The following SGSH variants were observed in gnomAD, a reference collection of about 807,000 sequenced individuals.
The protein encoded by SGSH is heparan sulfate sulfatase.
A neutral mutation model predicts 51.0 loss-of-function variants in SGSH; 48 were observed. The ratio of observed to expected loss-of-function variants is 0.94; its 90% CI spans 0.75 to 1.20. The LOEUF (loss-of-function observed/expected upper bound fraction) is 1.20, where lower values mean the gene tolerates loss of function less well. Among genes scored for constraint, SGSH ranks in the 50% most tolerant of loss-of-function variants. SGSH has a pLI of 0.00. For synonymous variants in SGSH, 321 were observed against 313.4 expected (o/e 1.02, Z -0.26); for missense variants, 662 against 717.8 (o/e 0.92, Z 0.89).
chr17:80,214,984 T>A (rs769520648), intron 3 of SGSH, 49 bp downstream of exon 3: 3 of 1,520,926 alleles, frequency 2.0e-6, no homozygotes, highest in Admixed American at 3.4e-5. Context: ...GGCTCTGGCC[T>A]GGCCTCTGTG....
rs1467891010 is a variant in SGSH at position 80,209,745 on chromosome 17, A to G, written c.*707T>C. 1.0e-6 allele frequency: 1 copy of G among 985,518 alleles called. No individual in the cohort carries two copies. Among genetic ancestry groups the G allele is most frequent in the East Asian group, 1.1e-4 (1 of 8,820 alleles). 61.0% of individuals were successfully genotyped at this position (985,518 alleles called of 1,614,324 possible). A position where few individuals can be genotyped will look rare whatever the true frequency, so the allele number is the denominator to read the frequency against. On this transcript the variant is annotated 3_prime_UTR_variant, in exon 8 of 8. Transcript: ENST00000326317. ...AGAGGACGGGCATCGCCATGCCTTCATCTTCGGACACTCTCAAAAAAGATA... is the reference window on the plus strand; with the variant it reads ...AGAGGACGGGCATCGCCATGCCTTCGTCTTCGGACACTCTCAAAAAAGATA...
In SGSH at chr17:80,209,981, C is replaced by T. The variant is rs138717045; in HGVS notation, c.*471G>A. 2.2e-4 allele frequency: 225 copies of T among 1,023,694 alleles called. No individual in the cohort carries two copies. Among genetic ancestry groups the T allele is most frequent in the Non-Finnish European group, 2.5e-4 (213 of 851,790 alleles). 63.4% of individuals were successfully genotyped at this position (1,023,694 alleles called of 1,614,324 possible). On this transcript the variant is annotated 3_prime_UTR_variant, in exon 8 of 8. Transcript: ENST00000326317. ...CCCAGGTGAGTGTCGGTGGGACCTGCGTACTGCCCACGCGGCACCGAAGCC... is the reference window on the plus strand; with the variant it reads ...CCCAGGTGAGTGTCGGTGGGACCTGTGTACTGCCCACGCGGCACCGAAGCC...
chr17:80,217,048 A>G lies in SGSH; in HGVS notation c.233T>C (p.Leu78Pro). 6.3e-7 allele frequency: 1 copy of G among 1,585,072 alleles called. No homozygotes were observed. Among genetic ancestry groups the G allele is most frequent in the Non-Finnish European group, 8.6e-7 (1 of 1,167,910 alleles). ...SSCSPSRASL[L>P]TGLPQHQNGM... Reference sequence around the variant, plus strand: ...GCACCTCACCTGGGGCAGGCCAGTGAGGAGGCTGGCGCGGCTGGGAGAGCA... The same window carrying G: ...GCACCTCACCTGGGGCAGGCCAGTGGGGAGGCTGGCGCGGCTGGGAGAGCA... Residue 78 changes from leucine (L) to proline (P), a missense_variant, in exon 2 of 8, where the codon CTC (leucine) becomes CCC (proline). By Grantham distance (98) the Leu-to-Pro change is moderately conservative. Coordinates refer to ENST00000326317, the MANE Select transcript of SGSH (RefSeq NM_000199.5).
At chr17:80,214,357 C>A in intron 4 of SGSH, 29 bp from the exon 5 acceptor site, 1 of 1,604,866 alleles carries the variant, frequency 6.2e-7, no homozygotes, top group East Asian at 2.2e-5. Flanking sequence ...ATTGCCAAGG[C>A]TGCGGGGCCA....
chr17:80,204,883 G>A (rs775733142), downstream of SGSH: 11 of 645,542 alleles, frequency 1.7e-5, no homozygotes, highest in Non-Finnish European at 2.8e-5. Context: ...GGAACTGGGA[G>A]TGAGTCCTGT....
At chr17:80,211,570 G>A (rs1567917191) in intron 7 of SGSH, 1 of 278,322 alleles carries the variant, frequency 3.6e-6, no homozygotes, top group Admixed American at 5.0e-5. Flanking sequence ...GATGTCCTAG[G>A]TCTTTTTAGG....
the SGSH span, chr17:80,201,705 C>T: frequency 1.2e-6 from 2 of 1,612,686 alleles, no homozygotes; most frequent in Non-Finnish European, 1.7e-6. The surrounding 1 kb of genome is among the most constrained non-coding windows in gnomAD (Gnocchi z 5.0). Context: ...GATTCAGAGT[C>T]CCGGGGGAAA....
Position 80,217,166 on chromosome 17 carries a change from C to T in SGSH, c.115G>A (p.Ala39Thr), listed in dbSNP as rs773137508. 1.1e-5 allele frequency: 18 copies of T among 1,601,672 alleles called. No individual in the cohort carries two copies. Among genetic ancestry groups the T allele is most frequent in the East Asian group, 6.7e-5 (3 of 44,534 alleles). ...LADDGGFESG[A>T]YNNSAIATPH... is the part of the protein sequence containing the mutation. ...GTGGCGATGGCGCTGTTGTTGTACG[C>T]GCCACTCTCAAAGCCTCCGTCATCC... The change falls in exon 2 of 8, where the codon GCG (alanine) becomes ACG (threonine). Residue 39 changes from alanine to threonine, a missense_variant. Physicochemically the swap from Ala to Thr is moderately conservative, Grantham distance 58 (BLOSUM62 0). Transcript: ENST00000326317.
downstream of SGSH, chr17:80,204,947 C>A: frequency 1.7e-6 from 2 of 1,182,790 alleles, no homozygotes; most frequent in East Asian, 2.6e-5. Context: ...CTGCAGTGAG[C>A]AAAGCAGACC....
At chr17:80,219,414 G>A (rs1356404931) in intron 1 of SGSH, among the ~76,000 whole-genome samples, 1 of 152,200 alleles carries the variant, frequency 6.6e-6, no homozygotes, top group Non-Finnish European at 1.5e-5. Context: ...CTAGCCCAGG[G>A]GCCGCATAGC....
downstream of SGSH, chr17:80,204,075 C>T (rs1470145282): frequency 1.2e-6 from 1 of 855,384 alleles, no homozygotes; most frequent in East Asian, 2.7e-5. Context: ...CAGGCTCTTG[C>T]ACAAGTGCAG....
intron 1 of SGSH, 155 bp downstream of exon 1, chr17:80,220,071 G>A (rs1334066701): frequency 7.1e-6 from 4 of 562,328 alleles, no homozygotes; most frequent in Non-Finnish European, 1.2e-5. Context: ...GAAGAGTCTG[G>A]GGGCGGCACA....
downstream of SGSH, chr17:80,206,846 G>A: frequency 3.9e-6 from 2 of 512,890 alleles, no homozygotes; most frequent in Non-Finnish European, 7.0e-6. Flanking sequence ...ACAAAATTCA[G>A]CTCTGCCCAG....
At chr17:80,214,522 G>A in intron 4 of SGSH, 93 bp downstream of exon 4, 1 of 1,408,012 alleles carries the variant, frequency 7.1e-7, no homozygotes, top group Non-Finnish European at 9.8e-7. Context: ...CCCCATTCGA[G>A]CCACGTGGGG....
intron 2 of SGSH, among the ~76,000 whole-genome samples, chr17:80,216,222 G>A (rs758608370): frequency 6.6e-6 from 1 of 152,028 alleles, no homozygotes; most frequent in Non-Finnish European, 1.5e-5. Flanking sequence ...CCAGCTACTC[G>A]GGAGGCTGAG....
At position 80,220,144 on chromosome 17, in the gene SGSH, T is replaced by C. The variant is rs983574912; in HGVS notation, c.88+82A>G. On this transcript the variant is annotated intron_variant, in intron 1 of 7. Coordinates refer to ENST00000326317, the MANE Select transcript of SGSH (RefSeq NM_000199.5). ...AGGGCAGGGCACACTAGGGTCAGCA[T>C]TGACCACGGGTGGGGAGGAGGCCAG... is the stretch of plus-strand genomic sequence containing the variant. 12 of 1,036,872 alleles carry C rather than the reference T, an allele frequency of 1.2e-5. 1 individual carries two copies. The highest frequency in any genetic ancestry group is 8.2e-6 in the Non-Finnish European group (6 of 728,036). 64.2% of individuals were successfully genotyped at this position (1,036,872 alleles called of 1,614,324 possible).
chr17:80,210,280 TC>T lies in SGSH; in HGVS notation c.*171del. The T allele has an allele frequency of 7.0e-7, 1 of 1,432,238 alleles. No individual in the cohort carries two copies. Among genetic ancestry groups the T allele is most frequent in the Non-Finnish European group, 9.1e-7 (1 of 1,097,596 alleles). The allele number at this position is 1,432,238 out of a possible 1,614,324, so 88.7% of individuals were successfully genotyped here. On this transcript the variant is annotated 3_prime_UTR_variant, in exon 8 of 8. Coordinates refer to ENST00000326317, the MANE Select transcript of SGSH (RefSeq NM_000199.5). ...CACATGCTCTGGTCACATGCTCTGG[TC>T]CCCCTCCAGGCAATGGCAAGAGTGA...
chr17:80,203,938 C>A, downstream of SGSH: 1 of 1,439,046 alleles, frequency 6.9e-7, no homozygotes, highest in Non-Finnish European at 9.5e-7. This position sits in a 1 kb window ranked among gnomAD's most constrained non-coding sequence, Gnocchi z 4.6. Flanking sequence ...GGAAGAGGGG[C>A]TCGGTGCTGG....
At chr17:80,203,141 G>GTGCC (rs2041079038), downstream of SGSH, 1 of 152,082 alleles carries the variant, frequency 6.6e-6, no homozygotes, top group African/African-American at 2.4e-5. This position sits in a 1 kb window ranked among gnomAD's most constrained non-coding sequence, Gnocchi z 4.6. Context: ...GTGGTGGCAG[G>GTGCC]TGCCTGTAAT....
Sources: gnomAD v4.1 joint callset for allele counts (sites outside exome capture counted in the v4.1 genomes callset) on GRCh38, gnomAD v4.1.1 for gene constraint, Gnocchi (gnomAD v3.1) non-coding constraint, MANE v1.5 for transcripts, NCBI Gene and HGNC (gene_info 2026-07-23, HGNC 2026-07-21) for gene names.